TULP1: variants seen among roughly 807,000 people sequenced by gnomAD.
TULP1 encodes the protein tubby-related protein 1.
TULP1 carries 50 observed loss-of-function variants against 67.1 expected under a neutral mutation model. The observed-to-expected ratio is 0.75, with a 90% CI of 0.59 to 0.94. The LOEUF is 0.94. TULP1 is among the 40% of genes least tolerant of loss of function. The pLI, the probability that TULP1 is intolerant of heterozygous loss-of-function variation, is 0.00. For missense variants in TULP1, 746 were observed against 734.1 expected (o/e 1.02, Z -0.19); for synonymous variants, 297 against 294.0 (o/e 1.01, Z -0.11).
intron 13 of TULP1, among the ~76,000 whole-genome samples, chr6:35,502,837 G>C (rs1276100376): frequency 6.6e-6 from 1 of 151,954 alleles, no homozygotes; most frequent in Non-Finnish European, 1.5e-5. Context: ...CTTCCAGTAT[G>C]CTCCATAATT....
In TULP1 at chr6:35,499,978, C is replaced by T. The variant is rs758668547; in HGVS notation, c.1495+3G>A. The T allele has an allele frequency of 9.6e-5, 155 of 1,613,850 alleles. No homozygotes were observed. Among genetic ancestry groups the T allele is most frequent in the Non-Finnish European group, 1.3e-4 (151 of 1,180,014 alleles). The stretch of plus-strand genomic sequence containing the variant: ...AGCCAGACCTGGGCCCTCAGGTACT[C>T]ACGGTCATCAGCGTGGACAATCTGG... On this transcript the variant is annotated splice_donor_region_variant and intron_variant, in intron 14 of 14. Coordinates refer to ENST00000229771, the MANE Select transcript of TULP1 (RefSeq NM_003322.6).
chr6:35,499,902 G>C lies in TULP1; in HGVS notation c.1495+79C>G, dbSNP rs183634311. ...AAAGGCTGGTGTGTGTGTGTGTGAG[G>C]GGGTGAGGGGAGCTTGAATGAAGGT... On this transcript the variant is annotated intron_variant, in intron 14 of 14. Coordinates refer to ENST00000229771, the MANE Select transcript of TULP1 (RefSeq NM_003322.6). The C allele has an allele frequency of 1.8e-4, 273 of 1,517,916 alleles. No homozygotes were observed. The African/African-American group carries it at 3.3e-3, about 18-fold the overall frequency. 94.0% of individuals were successfully genotyped at this position (1,517,916 alleles called of 1,614,324 possible).
intron 7 of TULP1, 35 bp downstream of exon 7, chr6:35,509,599 A>C: frequency 6.2e-7 from 1 of 1,603,792 alleles, no homozygotes; most frequent in Non-Finnish European, 8.5e-7. Context: ...GGACCACCTC[A>C]AGATGTCACC....
chr6:35,512,580 C>A (rs777988559), intron 2 of TULP1, 59 bp downstream of exon 2: 8 of 1,610,426 alleles, frequency 5.0e-6, no homozygotes, highest in Admixed American at 1.7e-5. Flanking sequence ...CCCTACCCTG[C>A]GTGGGTTTAC....
intron 8 of TULP1, 102 bp from the exon 9 acceptor site, chr6:35,506,381 A>G: frequency 7.0e-7 from 1 of 1,431,164 alleles, no homozygotes; most frequent in African/African-American, 1.4e-5. Flanking sequence ...CGGCACGGCC[A>G]AGTTAGGAGG....
chr6:35,512,796 TG>T lies in TULP1; in HGVS notation c.47+15del. The stretch of plus-strand genomic sequence containing the variant: ...CCCCCAGGGTTCAGGTGCCACGAAC[TG>T]GGGGCCTTCCAGACCTGTCAGAGGC... On this transcript the variant is annotated intron_variant, in intron 1 of 14. Coordinates refer to ENST00000229771, the MANE Select transcript of TULP1 (RefSeq NM_003322.6). 1 of 1,372,794 alleles carries T rather than the reference TG, an allele frequency of 7.3e-7. No individual in the cohort carries two copies. Among genetic ancestry groups the T allele is most frequent in the South Asian group, 1.1e-5 (1 of 87,958 alleles). The allele number at this position is 1,372,794 out of a possible 1,614,324, so 85.0% of individuals were successfully genotyped here.
chr6:35,510,217 C>A (rs1425763678), intron 5 of TULP1, among the ~76,000 whole-genome samples: 1 of 152,150 alleles, frequency 6.6e-6, no homozygotes, highest in Non-Finnish European at 1.5e-5. Context: ...CCACCCCTGG[C>A]TAATTTTTGT....
chr6:35,507,737 T>C (rs1315205964), intron 8 of TULP1, among the ~76,000 whole-genome samples: 1 of 152,216 alleles, frequency 6.6e-6, no homozygotes, highest in Non-Finnish European at 1.5e-5. Flanking sequence ...CCTGGGTGTG[T>C]GCATTTGAGG....
At chr6:35,511,048 G>A (rs190827176) in intron 4 of TULP1, 38 bp from the exon 5 acceptor site, 81 of 1,599,542 alleles carry the variant, frequency 5.1e-5, no homozygotes, top group African/African-American at 1.2e-4. Context: ...GGTTTGAGCC[G>A]GGCCCTCCTT....
intron 14 of TULP1, among the ~76,000 whole-genome samples, chr6:35,499,724 G>A (rs929624031): frequency 2.0e-5 from 3 of 152,176 alleles, no homozygotes; most frequent in African/African-American, 7.2e-5. Context: ...GAATGTCCCA[G>A]TATCTAACCC....
chr6:35,500,261 T>A, intron 13 of TULP1, 109 bp from the exon 14 acceptor site: 3 of 1,202,248 alleles, frequency 2.5e-6, no homozygotes, highest in Non-Finnish European at 3.7e-6. Flanking sequence ...GGGTGTGGCC[T>A]GGACATCTTC....
chr6:35,499,722 C>G (rs1285624864), intron 14 of TULP1, among the ~76,000 whole-genome samples: 1 of 152,164 alleles, frequency 6.6e-6, no homozygotes, highest in East Asian at 1.9e-4. Flanking sequence ...CAGAATGTCC[C>G]AGTATCTAAC....
intron 14 of TULP1, among the ~76,000 whole-genome samples, chr6:35,499,035 C>T (rs979809979): frequency 2.6e-5 from 4 of 152,170 alleles, no homozygotes; most frequent in African/African-American, 9.7e-5. Flanking sequence ...GGAGAGCAGT[C>T]CCACAGCCAC....
In TULP1 at chr6:35,503,631, G is replaced by A; in HGVS notation, c.1251C>T (p.Gly417=). Reference sequence around the variant, plus strand: ...GAATGATGACGGTCATGCGCCGGGGGCCACGGAAGCCCAGCACGTTGGTTT... The same window carrying A: ...GAATGATGACGGTCATGCGCCGGGGACCACGGAAGCCCAGCACGTTGGTTT... ...IYETNVLGFR[G]PRRMTVIIPG... is the part of the protein sequence containing the mutation. Residue 417 remains glycine, a synonymous_variant, in exon 13 of 15, where the codon GGC becomes GGT. Coordinates refer to ENST00000229771, the MANE Select transcript of TULP1 (RefSeq NM_003322.6). This position sits in a 1 kb window ranked among gnomAD's most constrained non-coding sequence, Gnocchi z 4.0. 6.3e-7 allele frequency: 1 copy of A among 1,599,596 alleles called. No homozygotes were observed. Among genetic ancestry groups the A allele is most frequent in the Middle Eastern group, 1.7e-4 (1 of 6,046 alleles).
rs986771012 is a variant in TULP1, at chr6:35,510,133, A to C, written c.500-205T>G. 4.0e-5 allele frequency among the ~76,000 whole-genome samples: 6 copies of C among 151,446 alleles called. No individual in the cohort carries two copies. In the East Asian group the frequency reaches 1.2e-3, roughly 29 times the overall value. On this transcript the variant is annotated intron_variant, in intron 5 of 14. Transcript: ENST00000229771. ...CAGTGGCAGGATCTCGGCTCACTGC[A>C]ACCTCCACCTCCAGGGTTCAAGTGA...
intron 2 of TULP1, 44 bp from the exon 3 acceptor site, chr6:35,512,314 G>A (rs1018049314): frequency 3.0e-6 from 3 of 1,005,770 alleles, no homozygotes; most frequent in Non-Finnish European, 4.2e-6. Context: ...GGAAAGGGGG[G>A]CGCTGAGGCC....
rs1354282896 is a variant in TULP1, at chr6:35,498,915, C to T, written c.1496-455G>A. ...ACTGGGCACCTCTCCCTTCAATGATCCAGGTTCCCAGCCCCAACCTCAGCA... is the reference window on the plus strand; with the variant it reads ...ACTGGGCACCTCTCCCTTCAATGATTCAGGTTCCCAGCCCCAACCTCAGCA... On this transcript the variant is annotated intron_variant, in intron 14 of 14. Transcript: ENST00000229771. This position sits in a 1 kb window ranked among gnomAD's most constrained non-coding sequence, Gnocchi z 6.7. Among the ~76,000 whole-genome samples the T allele has an allele frequency of 6.6e-6, 1 of 152,116 alleles. No individual in the cohort carries two copies. Among genetic ancestry groups the T allele is most frequent in the Non-Finnish European group, 1.5e-5 (1 of 68,014 alleles).
Position 35,506,150 on chromosome 6 carries a change from G to C in TULP1, c.852C>G (p.Pro284=). 1 of 1,613,606 alleles carries C rather than the reference G, an allele frequency of 6.2e-7. No individual in the cohort carries two copies. The highest frequency in any genetic ancestry group is 8.5e-7 in the Non-Finnish European group (1 of 1,179,908). The change falls in exon 10 of 15, where the codon CCC becomes CCG. Residue 284 remains proline, a synonymous_variant. Coordinates refer to ENST00000229771, the MANE Select transcript of TULP1 (RefSeq NM_003322.6). ...KKAKEERAPS[P]PVEVDEPREF... is the part of the protein sequence containing the mutation. ...CCCGGGGTTCGTCCACCTCCACGGG[G>C]GGAGACGGGGCCCTCTCCTCCTTCT...
chr6:35,503,738 T>G lies in TULP1; in HGVS notation c.1223A>C (p.Tyr408Ser). 1 of 1,612,488 alleles carries G rather than the reference T, an allele frequency of 6.2e-7. No individual in the cohort carries two copies. The highest frequency in any genetic ancestry group is 8.5e-7 in the Non-Finnish European group (1 of 1,179,286). ...SLRQELAAVI[Y>S]ETNVLGFRGP... The stretch of plus-strand genomic sequence containing the variant: ...ATGGGGGACAGGTGGAGTCCTCACA[T>G]AGATCACAGCTGCCAGCTCCTGCCG... Residue 408 changes from tyrosine to serine, a missense_variant and splice_region_variant, in exon 12 of 15, where the codon TAT becomes TCT. Tyr to Ser is a moderately radical substitution (Grantham distance 144, BLOSUM62 -2). Transcript: ENST00000229771. This position sits in a 1 kb window ranked among gnomAD's most constrained non-coding sequence, Gnocchi z 4.0.
Sources: gnomAD v4.1 joint callset for allele counts (sites outside exome capture counted in the v4.1 genomes callset) on GRCh38, gnomAD v4.1.1 for gene constraint, Gnocchi (gnomAD v3.1) non-coding constraint, MANE v1.5 for transcripts, NCBI Gene and HGNC (gene_info 2026-07-23, HGNC 2026-07-21) for gene names.